Variants in CSMD1 observed in about 807,000 individuals in gnomAD.
CSMD1 encodes the protein CUB and Sushi multiple domains 1, also known as CUB and sushi domain-containing protein 1.
In CSMD1, 213 loss-of-function variants were observed where a neutral mutation model predicts 417.5. The observed-to-expected ratio is 0.51, with a 90% CI of 0.46 to 0.57. The LOEUF (loss-of-function observed/expected upper bound fraction) is 0.57. Ranked by LOEUF, CSMD1 falls within the 20% of genes least tolerant of loss-of-function variation. CSMD1 has a pLI of 0.00. For synonymous variants in CSMD1, 2,862 were observed against 1,736.8 expected (o/e 1.65, Z -16.11); for missense variants, 6,923 against 4,529.7 (o/e 1.53, Z -15.17).
At chr8:3,741,298 C>T (rs1178165076) in intron 6 of CSMD1, among the ~76,000 whole-genome samples, 2 of 146,404 alleles carry the variant, frequency 1.4e-5, no homozygotes, top group Non-Finnish European at 3.0e-5. Flanking sequence ...TTTAGTAGGT[C>T]AGAGACTAAA....
intron 3 of CSMD1, among the ~76,000 whole-genome samples, chr8:4,181,521 A>G (rs903324154): frequency 3.3e-5 from 5 of 152,164 alleles, no homozygotes; most frequent in African/African-American, 9.6e-5. Flanking sequence ...AGAAAACCTT[A>G]CAATATTTTA....
At chr8:4,075,996 G>T (rs1425699865) in intron 3 of CSMD1, among the ~76,000 whole-genome samples, 1 of 152,132 alleles carries the variant, frequency 6.6e-6, no homozygotes, top group East Asian at 1.9e-4. Flanking sequence ...TTCTCTGGGA[G>T]GGTGGAGGGG....
intron 1 of CSMD1, among the ~76,000 whole-genome samples, chr8:4,776,059 G>A (rs139022466): frequency 8.0e-4 from 122 of 152,222 alleles, no homozygotes; most frequent in African/African-American, 2.8e-3. Context: ...GATGATTCTA[G>A]GAAATGAGTG....
At chr8:4,417,632 A>G (rs962766477) in intron 3 of CSMD1, among the ~76,000 whole-genome samples, 4 of 151,968 alleles carry the variant, frequency 2.6e-5, no homozygotes, top group African/African-American at 7.2e-5. Context: ...GACTCATACC[A>G]ATTACTTGGT....
chr8:3,878,331 A>G (rs1185457676), intron 5 of CSMD1, among the ~76,000 whole-genome samples: 2 of 152,144 alleles, frequency 1.3e-5, no homozygotes, highest in African/African-American at 4.8e-5. Flanking sequence ...CTATTCTTTA[A>G]AATATTCTTA....
intron 15 of CSMD1, among the ~76,000 whole-genome samples, chr8:3,403,953 C>T (rs535634172): frequency 8.5e-5 from 13 of 152,116 alleles, no homozygotes; most frequent in African/African-American, 3.1e-4. Flanking sequence ...GTTTTGTTGC[C>T]CTTCTATTTA....
chr8:3,244,664 A>G (rs896949451), intron 26 of CSMD1, among the ~76,000 whole-genome samples: 16 of 152,214 alleles, frequency 1.1e-4, no homozygotes, highest in Admixed American at 7.9e-4. Context: ...TCAGCCTTGA[A>G]TGTGGCTGAC....
At chr8:4,243,911 G>T (rs555216458) in intron 3 of CSMD1, among the ~76,000 whole-genome samples, 2 of 152,202 alleles carry the variant, frequency 1.3e-5, no homozygotes, top group East Asian at 1.9e-4. Context: ...TAGGTTAGCA[G>T]AGAGTTTGCT....
intron 51 of CSMD1, among the ~76,000 whole-genome samples, chr8:3,027,827 A>G (rs760206515): frequency 4.3e-4 from 66 of 152,256 alleles, no homozygotes; most frequent in Middle Eastern, 3.2e-3. Flanking sequence ...GTTCAAGGAC[A>G]GCAGAGCTCT....
At chr8:4,164,721 C>G (rs959281271) in intron 3 of CSMD1, among the ~76,000 whole-genome samples, 2 of 151,874 alleles carry the variant, frequency 1.3e-5, no homozygotes, top group Admixed American at 1.3e-4. Flanking sequence ...GATTCAAGTA[C>G]TAAAAGTATT....
At chr8:4,382,410 G>T (rs892425809) in intron 3 of CSMD1, among the ~76,000 whole-genome samples, 1 of 152,168 alleles carries the variant, frequency 6.6e-6, no homozygotes, top group African/African-American at 2.4e-5. Flanking sequence ...AATGAATGAA[G>T]CAAATTAGCT....
intron 5 of CSMD1, among the ~76,000 whole-genome samples, chr8:3,830,597 G>C (rs1296084844): frequency 1.3e-5 from 2 of 152,122 alleles, no homozygotes; most frequent in African/African-American, 4.8e-5. Context: ...TTGTTTGCAA[G>C]CAACACTGGC....
chr8:4,109,814 A>G (rs1039888964), intron 3 of CSMD1, among the ~76,000 whole-genome samples: 8 of 152,202 alleles, frequency 5.3e-5, no homozygotes, highest in Non-Finnish European at 1.2e-4. Context: ...AAAGGGTGTT[A>G]CCATAAATAC....
chr8:3,718,957 G>C (rs1038881972), intron 6 of CSMD1, among the ~76,000 whole-genome samples: 4 of 152,162 alleles, frequency 2.6e-5, no homozygotes, highest in African/African-American at 9.7e-5. Context: ...AATAGAAGGA[G>C]CGAGAAGATA....
At chr8:3,378,729 G>A (rs1279513201) in intron 18 of CSMD1, among the ~76,000 whole-genome samples, 1 of 152,124 alleles carries the variant, frequency 6.6e-6, no homozygotes, top group Non-Finnish European at 1.5e-5. Flanking sequence ...CAATAAACTA[G>A]GTAGTGATGG....
chr8:4,909,880 G>C (rs1416731325), intron 1 of CSMD1, among the ~76,000 whole-genome samples: 1 of 152,122 alleles, frequency 6.6e-6, no homozygotes, highest in Non-Finnish European at 1.5e-5. Context: ...TCATTGATTT[G>C]GGGTTTGCCC....
intron 2 of CSMD1, among the ~76,000 whole-genome samples, chr8:4,586,378 G>A (rs1235250349): frequency 2.0e-5 from 3 of 152,074 alleles, no homozygotes; most frequent in Non-Finnish European, 2.9e-5. Flanking sequence ...TGATTTTAAA[G>A]GTTACATAAA....
chr8:4,413,521 A>T (rs1471609319), intron 3 of CSMD1, among the ~76,000 whole-genome samples: 1 of 152,104 alleles, frequency 6.6e-6, no homozygotes, highest in Non-Finnish European at 1.5e-5. Context: ...CTTTTAGAAA[A>T]TGTTAGTGTT....
chr8:4,603,849 A>G (rs1217646418), intron 2 of CSMD1, among the ~76,000 whole-genome samples: 1 of 152,148 alleles, frequency 6.6e-6, no homozygotes, highest in East Asian at 1.9e-4. Flanking sequence ...ATGATTTTTA[A>G]TTTTAATGAT....
Sources: allele counts gnomAD v4.1 joint callset (sites outside exome capture counted in the v4.1 genomes callset), GRCh38; gene constraint gnomAD v4.1.1; transcripts MANE v1.5; gene names NCBI Gene and HGNC (gene_info 2026-07-23, HGNC 2026-07-21).